The following RORA variants were observed in gnomAD, a reference collection of about 807,000 sequenced individuals.
The protein encoded by RORA is RAR related orphan receptor A.
A neutral mutation model predicts 69.5 loss-of-function variants in RORA; 7 were observed. The ratio of observed to expected loss-of-function variants is 0.10; its 90% CI spans 0.06 to 0.19. RORA has a LOEUF of 0.19. Among genes scored for constraint, RORA ranks in the 10% least tolerant of loss-of-function variants. The pLI, the probability that RORA is intolerant of heterozygous loss-of-function variation, is 1.00. For synonymous variants in RORA, 261 were observed against 240.8 expected, an observed-to-expected ratio of 1.08 and a Z score of -0.78; for missense variants, 457 against 663.0, an observed-to-expected ratio of 0.69 and a Z score of 3.41.
intron 1 of RORA, among the ~76,000 whole-genome samples, chr15:60,866,097 T>A (rs1409566584): frequency 6.6e-6 from 1 of 152,198 alleles, no homozygotes; most frequent in African/African-American, 2.4e-5. Context: ...GACAATAAAT[T>A]ATTATTAACT....
rs931591401 is a variant in RORA, at chr15:60,495,343, T to C, written c.*2112A>G. 2.0e-5 allele frequency: 3 copies of C among 152,318 alleles called. No individual in the cohort carries two copies. The South Asian group carries it at 6.2e-4, about 32-fold the overall frequency. The allele number at this position is 152,318 out of a possible 1,614,324, so 9.4% of individuals were successfully genotyped here. A position where few individuals can be genotyped will look rare whatever the true frequency, so the allele number is the denominator to read the frequency against. On this transcript the variant is annotated 3_prime_UTR_variant, in exon 11 of 11. Coordinates refer to ENST00000335670, the MANE Select transcript of RORA (RefSeq NM_134261.3). ...CAGTTAGCATCTCTCTATAAACACA[T>C]AAAATTTTACATGCCTGTAAGAAAT...
intron 1 of RORA, among the ~76,000 whole-genome samples, chr15:61,047,928 C>A (rs554666370): frequency 6.6e-6 from 1 of 152,320 alleles, no homozygotes; most frequent in Admixed American, 6.5e-5. Flanking sequence ...CAAACCAAGA[C>A]ACTTCTTCCT....
intron 2 of RORA, among the ~76,000 whole-genome samples, chr15:60,604,414 A>G (rs1319526161): frequency 6.6e-6 from 1 of 152,178 alleles, no homozygotes; most frequent in Non-Finnish European, 1.5e-5. Flanking sequence ...GACCTTGTTT[A>G]TCTGCTTTTT....
chr15:60,980,983 T>A (rs902397956), intron 1 of RORA, among the ~76,000 whole-genome samples: 7 of 152,064 alleles, frequency 4.6e-5, no homozygotes, highest in African/African-American at 1.7e-4. Flanking sequence ...TTTTTTTATG[T>A]AGGTCAGGTG....
At chr15:60,935,095 G>A (rs979298762) in intron 1 of RORA, among the ~76,000 whole-genome samples, 1 of 152,190 alleles carries the variant, frequency 6.6e-6, no homozygotes, top group African/African-American at 2.4e-5. Context: ...AATATTTTCT[G>A]AATGAATGAA....
chr15:60,548,204 G>A (rs970650622), intron 2 of RORA, among the ~76,000 whole-genome samples: 6 of 152,104 alleles, frequency 3.9e-5, no homozygotes, highest in African/African-American at 1.4e-4. Context: ...AGTAGTCGTC[G>A]GCATGGTTTC....
At chr15:60,859,655 C>CTTTCTT (rs372938017) in intron 1 of RORA, among the ~76,000 whole-genome samples, 9 of 101,588 alleles carry the variant, frequency 8.9e-5, no homozygotes, top group Non-Finnish European at 1.6e-4. Flanking sequence ...TTCTTTCTTT[C>CTTTCTT]TTTTTTTTTT....
At chr15:61,120,329 AGAGCT>A (rs1172753379) in intron 1 of RORA, among the ~76,000 whole-genome samples, 2 of 151,160 alleles carry the variant, frequency 1.3e-5, no homozygotes, top group East Asian at 3.9e-4. Flanking sequence ...ATATGCAAGC[AGAGCT>A]GAAGACCATT....
chr15:60,939,781 G>T (rs1892635332), intron 1 of RORA, among the ~76,000 whole-genome samples: 1 of 152,158 alleles, frequency 6.6e-6, no homozygotes, highest in Non-Finnish European at 1.5e-5. Context: ...CCCCTGCAAT[G>T]TTTATGCACG....
At chr15:60,808,457 C>T (rs536752961) in intron 1 of RORA, among the ~76,000 whole-genome samples, 1 of 152,140 alleles carries the variant, frequency 6.6e-6, no homozygotes, top group Admixed American at 6.5e-5. Context: ...TTTTACAGTG[C>T]TGGTGGGAAT....
intron 3 of RORA, among the ~76,000 whole-genome samples, chr15:60,521,525 G>A (rs1351495655): frequency 6.6e-6 from 1 of 152,148 alleles, no homozygotes; most frequent in Non-Finnish European, 1.5e-5. Context: ...ACAGGCGTGA[G>A]CCACCGTACC....
intron 1 of RORA, among the ~76,000 whole-genome samples, chr15:60,959,335 A>C (rs1042757910): frequency 6.6e-6 from 1 of 152,208 alleles, no homozygotes; most frequent in Non-Finnish European, 1.5e-5. Flanking sequence ...AGTATGTGGC[A>C]TCTTAGCCTG....
chr15:60,737,987 T>C (rs1025964576), intron 1 of RORA, among the ~76,000 whole-genome samples: 2 of 152,216 alleles, frequency 1.3e-5, no homozygotes, highest in South Asian at 2.1e-4. Context: ...TTATTTCTCC[T>C]GGATTGGGTC....
intron 1 of RORA, among the ~76,000 whole-genome samples, chr15:60,845,214 G>A (rs1470149928): frequency 6.6e-6 from 1 of 152,180 alleles, no homozygotes; most frequent in Non-Finnish European, 1.5e-5. Context: ...CTCATTTGCT[G>A]AATGACCATC....
At chr15:60,624,471 C>CATATATATATATATATATATATATATAT (rs3053858) in intron 2 of RORA, among the ~76,000 whole-genome samples, 3 of 73,540 alleles carry the variant, frequency 4.1e-5, no homozygotes, top group South Asian at 4.7e-4. Flanking sequence ...CCATTTGCTG[C>CATATATATATATATATATATATATATAT]ATATATATAT....
intron 1 of RORA, among the ~76,000 whole-genome samples, chr15:60,685,545 G>C (rs1342419885): frequency 1.3e-5 from 2 of 152,168 alleles, no homozygotes; most frequent in African/African-American, 4.8e-5. Flanking sequence ...ATCTATGCAC[G>C]AGGCGGATCC....
intron 1 of RORA, among the ~76,000 whole-genome samples, chr15:61,045,689 G>A (rs553415593): frequency 1.8e-4 from 28 of 152,034 alleles, no homozygotes; most frequent in African/African-American, 6.5e-4. Context: ...CTGGCCAGGA[G>A]TCAGGGAGAG....
intron 2 of RORA, among the ~76,000 whole-genome samples, chr15:60,661,274 C>T (rs1397451444): frequency 6.6e-6 from 1 of 152,132 alleles, no homozygotes; most frequent in Non-Finnish European, 1.5e-5. Context: ...CTGGGCCAGG[C>T]ACAATCTGTA....
chr15:60,815,971 T>C (rs2072807037), intron 1 of RORA, among the ~76,000 whole-genome samples: 2 of 129,446 alleles, frequency 1.5e-5, no homozygotes, highest in African/African-American at 5.9e-5. Flanking sequence ...TATATGTATT[T>C]ATTTACTATA....
Sources: allele counts gnomAD v4.1 joint callset (sites outside exome capture counted in the v4.1 genomes callset), GRCh38; gene constraint gnomAD v4.1.1; transcripts MANE v1.5; gene names NCBI Gene and HGNC (gene_info 2026-07-23, HGNC 2026-07-21).